Variants in ATR observed in about 807,000 individuals in gnomAD.
The protein encoded by ATR is ATR checkpoint kinase.
In ATR, 142 loss-of-function variants were observed where a neutral mutation model predicts 305.3. The observed-to-expected ratio is 0.47, with a 90% CI of 0.41 to 0.53. The LOEUF is 0.53. ATR is among the 20% of genes least tolerant of loss of function. The pLI is 0.00. For missense variants in ATR, 2,135 were observed against 3,133.1 expected, an observed-to-expected ratio of 0.68 and a Z score of 7.60; for synonymous variants, 1,050 against 1,068.1, an observed-to-expected ratio of 0.98 and a Z score of 0.33.
Position 142,562,425 on chromosome 3 carries a change from C to G in ATR, c.977G>C (p.Cys326Ser). 1 of 1,614,134 alleles carries G rather than the reference C, an allele frequency of 6.2e-7. No homozygotes were observed. The highest frequency in any genetic ancestry group is 8.5e-7 in the Non-Finnish European group (1 of 1,180,006). Residue 326 changes from cysteine to serine, a missense_variant, in exon 4 of 47, where the codon TGT becomes TCT. This residue lies in a region of ATR where 744 missense variants were observed against 873.2 expected (regional missense o/e 0.85). Coordinates refer to ENST00000350721, the MANE Select transcript of ATR (RefSeq NM_001184.4). ...VYLNMLLEKL[C>S]VMFEDGVLMR... Reference sequence around the variant, plus strand: ...GAGCACACCGTCTTCAAACATGACACAGAGTTTTTCCAGCAGCATATTTAA... The same window carrying G: ...GAGCACACCGTCTTCAAACATGACAGAGAGTTTTTCCAGCAGCATATTTAA...
chr3:142,467,842 TTTTAA>T (rs1303566207), intron 39 of ATR, 87 bp downstream of exon 39: 35 of 1,459,912 alleles, frequency 2.4e-5, no homozygotes, highest in East Asian at 4.8e-5. Context: ...ATAGTTAGAA[TTTTAA>T]TTTAATTAAT....
chr3:142,462,446 T>C (rs1301186728), intron 41 of ATR, among the ~76,000 whole-genome samples: 2 of 152,242 alleles, frequency 1.3e-5, no homozygotes, highest in East Asian at 3.9e-4. Context: ...ATTAAGTCTT[T>C]AGGCACAGAG....
At position 142,508,018 on chromosome 3, in the gene ATR, G is replaced by A; in HGVS notation, c.4944C>T (p.Ser1648=). 2 of 1,613,082 alleles carry A rather than the reference G, an allele frequency of 1.2e-6. No homozygotes were observed. The highest frequency in any genetic ancestry group is 1.7e-6 in the Non-Finnish European group (2 of 1,179,558). The part of the protein sequence containing the change: ...QDTLAVASFR[S]KAYTRAVMHF... ...GCATTACAGCTCGTGTGTATGCTTTGGAGCGAAAGGAAGCTACTGCCAGAG... is the reference window on the plus strand; with the variant it reads ...GCATTACAGCTCGTGTGTATGCTTTAGAGCGAAAGGAAGCTACTGCCAGAG... The change falls in exon 28 of 47, where the codon TCC becomes TCT. Residue 1648 remains serine, a synonymous_variant. Coordinates refer to ENST00000350721, the MANE Select transcript of ATR (RefSeq NM_001184.4).
intron 1 of ATR, among the ~76,000 whole-genome samples, chr3:142,576,227 G>A (rs754656740): frequency 1.4e-4 from 22 of 152,150 alleles, no homozygotes; most frequent in Admixed American, 3.3e-4. Flanking sequence ...GCTTTTGGTT[G>A]GCATATTTAC....
At chr3:142,550,751 A>G (rs2034443019) in intron 13 of ATR, among the ~76,000 whole-genome samples, 1 of 152,196 alleles carries the variant, frequency 6.6e-6, no homozygotes, top group African/African-American at 2.4e-5. Context: ...TTTCAGTTAT[A>G]GTAAATAAAC....
chr3:142,570,101 C>T (rs762543722), intron 1 of ATR, among the ~76,000 whole-genome samples: 3 of 152,044 alleles, frequency 2.0e-5, no homozygotes, highest in Admixed American at 2.0e-4. Context: ...TATTCAAGTT[C>T]TTTTTCTGTT....
chr3:142,496,863 T>G (rs1171340946), intron 33 of ATR, 150 bp downstream of exon 33: 11 of 882,302 alleles, frequency 1.2e-5, no homozygotes, highest in Non-Finnish European at 1.7e-5. Flanking sequence ...AAGTTCTAGG[T>G]TCCTTTCAAC....
Position 142,556,082 on chromosome 3 carries a change from A to C in ATR, c.2136T>G (p.Gly712=). 6.2e-7 allele frequency: 1 copy of C among 1,613,872 alleles called. No individual in the cohort carries two copies. Among genetic ancestry groups the C allele is most frequent in the South Asian group, 1.1e-5 (1 of 90,966 alleles). ...IVKKEFASIL[G]QLVCTLHGMF... ...TGCCGTGAAGAGTACAGACAAGTTG[A>C]CCAAGTATAGAAGCAAATTCTTTCT... Residue 712 remains glycine, a synonymous_variant, in exon 10 of 47, where the codon GGT becomes GGG. Transcript: ENST00000350721.
chr3:142,559,048 T>C, intron 7 of ATR: 2 of 650,662 alleles, frequency 3.1e-6, no homozygotes, highest in East Asian at 5.7e-5. Flanking sequence ...ATAAATAATT[T>C]CTATTGACTA....
chr3:142,462,951 T>C (rs1002379458), intron 41 of ATR, among the ~76,000 whole-genome samples: 3 of 152,182 alleles, frequency 2.0e-5, no homozygotes, highest in Admixed American at 6.5e-5. Context: ...CAGTATTATG[T>C]TTAATTCTAG....
intron 5 of ATR, 149 bp downstream of exon 5, chr3:142,561,094 T>G: frequency 1.2e-6 from 1 of 804,286 alleles, no homozygotes; most frequent in Non-Finnish European, 1.9e-6. Context: ...TCTACAATAA[T>G]TATAAAAATA....
chr3:142,566,026 A>C (rs2035059279), intron 3 of ATR, 95 bp downstream of exon 3: 1 of 1,551,762 alleles, frequency 6.4e-7, no homozygotes, highest in Non-Finnish European at 8.9e-7. Context: ...TGACCCAAAA[A>C]AGTATAATCC....
intron 15 of ATR, among the ~76,000 whole-genome samples, chr3:142,548,661 T>TCCCATC (rs2034358585): frequency 9.1e-6 from 1 of 109,700 alleles, no homozygotes; most frequent in Non-Finnish European, 1.9e-5. Flanking sequence ...AGAGCAAAAC[T>TCCCATC]CCCATCACAA....
At chr3:142,551,438 G>A (rs1193015511) in intron 13 of ATR, among the ~76,000 whole-genome samples, 1 of 152,002 alleles carries the variant, frequency 6.6e-6, no homozygotes, top group Non-Finnish European at 1.5e-5. Context: ...TGGTCTCTAA[G>A]AAATGTTTAA....
intron 31 of ATR, chr3:142,499,293 C>T (rs929799721): frequency 9.9e-6 from 3 of 302,388 alleles, no homozygotes; most frequent in Middle Eastern, 5.1e-4. Context: ...ATATTAAAAC[C>T]GCTTTTTTTT....
intron 27 of ATR, among the ~76,000 whole-genome samples, chr3:142,511,079 C>A (rs1363912880): frequency 6.6e-6 from 1 of 152,020 alleles, no homozygotes; most frequent in Non-Finnish European, 1.5e-5. Context: ...ATAAAAATAG[C>A]TTCTCTTTAG....
At chr3:142,500,149 A>T (rs984216817) in intron 30 of ATR, 2 of 179,474 alleles carry the variant, frequency 1.1e-5, no homozygotes, top group African/African-American at 2.4e-5. Flanking sequence ...TAAGACAAAA[A>T]TACAGGGGGG....
intron 46 of ATR, chr3:142,451,405 A>G (rs1341631358): frequency 1.4e-6 from 2 of 1,471,278 alleles, no homozygotes; most frequent in Non-Finnish European, 1.8e-6. Context: ...AGAGATCTGA[A>G]GCCTAGAAAT....
chr3:142,449,308 A>C lies in ATR; in HGVS notation c.*121T>G, dbSNP rs1157304251. On this transcript the variant is annotated 3_prime_UTR_variant, in exon 47 of 47. Coordinates refer to ENST00000350721, the MANE Select transcript of ATR (RefSeq NM_001184.4). The stretch of plus-strand genomic sequence containing the variant: ...TACATATAATTAATGATCAGAGAGA[A>C]ATAACAGTTGCTGAGAACGTAAATT... 4 of 872,076 alleles carry C rather than the reference A, an allele frequency of 4.6e-6. No homozygotes were observed. The highest frequency in any genetic ancestry group is 7.2e-6 in the Non-Finnish European group (4 of 557,000). The allele number at this position is 872,076 out of a possible 1,614,324, so 54.0% of individuals were successfully genotyped here. A position where few individuals can be genotyped will look rare whatever the true frequency, so the allele number is the denominator to read the frequency against.
Sources: allele counts gnomAD v4.1 joint callset (sites outside exome capture counted in the v4.1 genomes callset), GRCh38; gene constraint gnomAD v4.1.1; regional missense constraint gnomAD v4.1.1; transcripts MANE v1.5; gene names NCBI Gene and HGNC (gene_info 2026-07-23, HGNC 2026-07-21).